The following DPYSL3 variants were observed in gnomAD, a reference collection of about 807,000 sequenced individuals.
DPYSL3 encodes the protein dihydropyrimidinase like 3.
In DPYSL3, 16 loss-of-function variants were observed where a neutral mutation model predicts 66.1. The observed-to-expected ratio is 0.24, with a 90% CI of 0.16 to 0.37. The LOEUF (loss-of-function observed/expected upper bound fraction) is 0.37, where lower values mean the gene tolerates loss of function less well. DPYSL3 is among the 10% of genes least tolerant of loss of function. The pLI, the probability that DPYSL3 is intolerant of heterozygous loss-of-function variation, is 1.00. For missense variants in DPYSL3, 738 were observed against 916.2 expected, an observed-to-expected ratio of 0.81 and a Z score of 2.51; for synonymous variants, 338 against 345.1, an observed-to-expected ratio of 0.98 and a Z score of 0.23.
At chr5:147,405,509 AT>A in intron 8 of DPYSL3, 100 bp downstream of exon 8, 1 of 1,441,846 alleles carries the variant, frequency 6.9e-7, no homozygotes, top group South Asian at 1.6e-5. Flanking sequence ...GAGCAAGGCA[AT>A]GAGCAAAGTA....
chr5:147,398,004 G>A (rs996938351), intron 11 of DPYSL3, among the ~76,000 whole-genome samples, 159 bp from the exon 12 acceptor site: 12 of 152,122 alleles, frequency 7.9e-5, no homozygotes, highest in African/African-American at 1.9e-4. Context: ...AGAAGGCACC[G>A]GAGACAGATT....
chr5:147,440,164 A>C (rs1752506261), intron 1 of DPYSL3, among the ~76,000 whole-genome samples: 1 of 152,106 alleles, frequency 6.6e-6, no homozygotes. Context: ...TTAGCCAGGC[A>C]TGGTGACAGG....
chr5:147,413,567 C>G, intron 5 of DPYSL3, 29 bp downstream of exon 5: 9 of 1,589,660 alleles, frequency 5.7e-6, no homozygotes, highest in African/African-American at 1.3e-5. Context: ...ATCCAGATAC[C>G]CCAAACCACA....
chr5:147,477,426 G>A (rs991977930), intron 1 of DPYSL3, among the ~76,000 whole-genome samples: 2 of 152,122 alleles, frequency 1.3e-5, no homozygotes, highest in Non-Finnish European at 2.9e-5. Context: ...CTCCAGACAG[G>A]AAAGAAAATG....
chr5:147,470,629 C>T (rs1463548200), intron 1 of DPYSL3, among the ~76,000 whole-genome samples: 1 of 152,144 alleles, frequency 6.6e-6, no homozygotes, highest in Non-Finnish European at 1.5e-5. Flanking sequence ...GACCTCTGCT[C>T]ATCTCTGTGG....
intron 1 of DPYSL3, among the ~76,000 whole-genome samples, chr5:147,504,383 C>A (rs1181319611): frequency 6.6e-6 from 1 of 152,202 alleles, no homozygotes; most frequent in African/African-American, 2.4e-5. Context: ...ACAAACACTT[C>A]CAAGTTTGGG....
Position 147,391,037 on chromosome 5 carries a change from G to A in DPYSL3, c.*2998C>T, listed in dbSNP as rs1378416821. 6.5e-6 allele frequency: 1 copy of A among 152,698 alleles called. No individual in the cohort carries two copies. The highest frequency in any genetic ancestry group is 1.5e-5 in the Non-Finnish European group (1 of 68,134). 9.5% of individuals were successfully genotyped at this position (152,698 alleles called of 1,614,324 possible). ...CACCCACACACCAGTTTTCAAAGAG[G>A]GAACTTACAATGAATGCTGGCTGCC... is the stretch of plus-strand genomic sequence containing the variant. On this transcript the variant is annotated 3_prime_UTR_variant, in exon 14 of 14. Transcript: ENST00000343218.
At position 147,506,958 on chromosome 5, in the gene DPYSL3, C is replaced by T. The variant is rs573569811; in HGVS notation, c.381+2520G>A. Among the ~76,000 whole-genome samples, 4 of 152,260 alleles carry T rather than the reference C, an allele frequency of 2.6e-5. No homozygotes were observed. The East Asian group carries it at 5.8e-4, about 22-fold the overall frequency. On this transcript the variant is annotated intron_variant, in intron 1 of 13. Coordinates refer to ENST00000343218, the MANE Select transcript of DPYSL3 (RefSeq NM_001197294.2). Reference sequence around the variant, plus strand: ...TGAAGCTGAGTATAGACATGGTTTTCGGCCAATGAAATGTGAGCACACATC... The same window carrying T: ...TGAAGCTGAGTATAGACATGGTTTTTGGCCAATGAAATGTGAGCACACATC...
At chr5:147,500,292 T>C (rs1223190703) in intron 1 of DPYSL3, among the ~76,000 whole-genome samples, 2 of 152,226 alleles carry the variant, frequency 1.3e-5, no homozygotes, top group South Asian at 2.1e-4. Flanking sequence ...AAACAACTAT[T>C]ATCTGAATAC....
At chr5:147,402,843 TAAG>T (rs1758233368) in intron 8 of DPYSL3, among the ~76,000 whole-genome samples, 3 of 152,140 alleles carry the variant, frequency 2.0e-5, no homozygotes, top group Admixed American at 2.0e-4. Flanking sequence ...TTAGCTTCTT[TAAG>T]AAGAAGGAAT....
chr5:147,445,839 T>C (rs1752621077), intron 1 of DPYSL3, among the ~76,000 whole-genome samples: 1 of 152,154 alleles, frequency 6.6e-6, no homozygotes, highest in East Asian at 1.9e-4. Context: ...AGCAAATGAA[T>C]CATGATATCA....
chr5:147,487,417 A>T (rs1753350193), intron 1 of DPYSL3, among the ~76,000 whole-genome samples: 1 of 152,186 alleles, frequency 6.6e-6, no homozygotes, highest in Non-Finnish European at 1.5e-5. Flanking sequence ...TAGTTATCGT[A>T]ACTACCTCAA....
chr5:147,436,087 C>T (rs749091466), intron 1 of DPYSL3, among the ~76,000 whole-genome samples: 12 of 152,324 alleles, frequency 7.9e-5, no homozygotes, highest in South Asian at 2.1e-4. Flanking sequence ...TTCACTCTCC[C>T]TCTAATCTCC....
Position 147,395,635 on chromosome 5 carries a change from T to C in DPYSL3, c.1890A>G (p.Ala630=), listed in dbSNP as rs1757945820. 1 of 1,613,944 alleles carries C rather than the reference T, an allele frequency of 6.2e-7. No homozygotes were observed. The highest frequency in any genetic ancestry group is 8.5e-7 in the Non-Finnish European group (1 of 1,180,036). Residue 630 remains alanine, a synonymous_variant, in exon 13 of 14, where the codon GCA becomes GCG. Coordinates refer to ENST00000343218, the MANE Select transcript of DPYSL3 (RefSeq NM_001197294.2). ...LTTTPKGGTP[A]GSARGSPTRP... ...GAGTAGGAGAGCCCCGAGCAGAGCC[T>C]GCGGGGGTGCCACCTTTGGGGGTGG...
intron 1 of DPYSL3, among the ~76,000 whole-genome samples, chr5:147,496,619 C>T (rs1010636194): frequency 1.3e-5 from 2 of 152,120 alleles, no homozygotes; most frequent in African/African-American, 2.4e-5. Context: ...CAAAAGAAGA[C>T]ATTTATGCAG....
intron 11 of DPYSL3, among the ~76,000 whole-genome samples, chr5:147,398,754 C>T (rs1399034543): frequency 1.3e-5 from 2 of 152,156 alleles, no homozygotes; most frequent in South Asian, 4.1e-4. Context: ...GAGGCAGTGA[C>T]GTACACCACA....
At chr5:147,452,204 C>T (rs1379476234) in intron 1 of DPYSL3, among the ~76,000 whole-genome samples, 1 of 152,158 alleles carries the variant, frequency 6.6e-6, no homozygotes, top group Non-Finnish European at 1.5e-5. Context: ...GAGGCTTCTT[C>T]CTGCCTGCAG....
At chr5:147,452,925 ACAT>A (rs1157213849) in intron 1 of DPYSL3, among the ~76,000 whole-genome samples, 27 of 139,780 alleles carry the variant, frequency 1.9e-4, no homozygotes, top group African/African-American at 7.5e-4. Context: ...ACACACACAC[ACAT>A]AAAGTTGATC....
chr5:147,486,571 G>A lies in DPYSL3; in HGVS notation c.381+22907C>T, dbSNP rs551533666. Among the ~76,000 whole-genome samples, 11 of 152,198 alleles carry A rather than the reference G, an allele frequency of 7.2e-5. No homozygotes were observed. The South Asian group carries it at 1.5e-3, about 20-fold the overall frequency. ...CTTCTCCCTCCTCTGGACTGAAAGG[G>A]GCCAGTCAGTGCCCTTCTGAGCACT... On this transcript the variant is annotated intron_variant, in intron 1 of 13. Coordinates refer to ENST00000343218, the MANE Select transcript of DPYSL3 (RefSeq NM_001197294.2).
Sources: allele counts gnomAD v4.1 joint callset (sites outside exome capture counted in the v4.1 genomes callset), GRCh38; gene constraint gnomAD v4.1.1; transcripts MANE v1.5; gene names NCBI Gene and HGNC (gene_info 2026-07-23, HGNC 2026-07-21).